PREX2: variants seen among roughly 807,000 people sequenced by gnomAD.
PREX2 encodes the protein phosphatidylinositol-3,4,5-trisphosphate dependent Rac exchange factor 2.
A neutral mutation model predicts 203.2 loss-of-function variants in PREX2; 107 were observed. That is an observed-to-expected ratio of 0.53 (90% CI 0.45 to 0.62). The LOEUF (loss-of-function observed/expected upper bound fraction) is 0.62, where lower values mean the gene tolerates loss of function less well. Ranked by LOEUF, PREX2 falls within the 20% of genes least tolerant of loss-of-function variation. The pLI is 0.00. For missense variants in PREX2, 1,777 were observed against 1,955.9 expected, an observed-to-expected ratio of 0.91 and a Z score of 1.72; for synonymous variants, 672 against 663.6, an observed-to-expected ratio of 1.01 and a Z score of -0.19.
At chr8:68,228,808 G>A (rs115057313) in intron 39 of PREX2, among the ~76,000 whole-genome samples, 5,710 of 147,330 alleles carry the variant, frequency 0.039, 143 homozygotes, top group Middle Eastern at 0.076. Flanking sequence ...TAAATAAGCC[G>A]GGCTGTCAGC....
chr8:67,973,023 T>C (rs1282198258), intron 1 of PREX2, among the ~76,000 whole-genome samples: 1 of 152,184 alleles, frequency 6.6e-6, no homozygotes, highest in African/African-American at 2.4e-5. Flanking sequence ...AGGCTCAGTG[T>C]CATCTTTGTC....
chr8:68,216,101 A>T (rs73683414), intron 37 of PREX2, among the ~76,000 whole-genome samples: 2,200 of 152,352 alleles, frequency 0.014, 50 homozygotes, highest in African/African-American at 0.051. Flanking sequence ...TCTCCTTAGA[A>T]TGCAGTTATA....
intron 1 of PREX2, among the ~76,000 whole-genome samples, chr8:67,953,326 C>T (rs949550410): frequency 3.3e-5 from 5 of 152,008 alleles, no homozygotes; most frequent in African/African-American, 1.2e-4. Context: ...TCACTGCCAT[C>T]TGCTTTGAAA....
In PREX2 at chr8:68,036,259, C is replaced by T. The variant is rs1014939539; in HGVS notation, c.706-1900C>T. ...GCACTTTCAATCAGTTGTAAGATAACGATGTCATAATAGTTAGCTCAATTT... is the reference window on the plus strand; with the variant it reads ...GCACTTTCAATCAGTTGTAAGATAATGATGTCATAATAGTTAGCTCAATTT... On this transcript the variant is annotated intron_variant, in intron 6 of 39. Coordinates refer to ENST00000288368, the MANE Select transcript of PREX2 (RefSeq NM_024870.4). 3.9e-5 allele frequency among the ~76,000 whole-genome samples: 6 copies of T among 152,176 alleles called. No homozygotes were observed. The East Asian group carries it at 7.7e-4, about 20-fold the overall frequency.
At chr8:68,184,701 G>C (rs547735771) in intron 35 of PREX2, among the ~76,000 whole-genome samples, 1 of 152,212 alleles carries the variant, frequency 6.6e-6, no homozygotes, top group African/African-American at 2.4e-5. Flanking sequence ...AGGCTCTTAG[G>C]CCTTAATCAT....
chr8:68,096,966 G>T, intron 21 of PREX2, 51 bp from the exon 22 acceptor site: 1 of 1,467,864 alleles, frequency 6.8e-7, no homozygotes, highest in South Asian at 1.2e-5. Context: ...TATTTGAGGA[G>T]ATTAACAAAT....
At chr8:68,006,684 A>G (rs1245961171) in intron 1 of PREX2, among the ~76,000 whole-genome samples, 3 of 152,200 alleles carry the variant, frequency 2.0e-5, no homozygotes, top group Admixed American at 6.5e-5. Context: ...TGCACGTTCA[A>G]GCTTTAAGCT....
At chr8:68,209,936 T>G (rs2129615104) in intron 37 of PREX2, among the ~76,000 whole-genome samples, 1 of 152,290 alleles carries the variant, frequency 6.6e-6, no homozygotes, top group Non-Finnish European at 1.5e-5. Context: ...CAGGAAATTC[T>G]TCTGCTAATT....
At chr8:67,984,317 T>G (rs1247084372) in intron 1 of PREX2, among the ~76,000 whole-genome samples, 13 of 151,904 alleles carry the variant, frequency 8.6e-5, no homozygotes, top group African/African-American at 2.9e-4. Flanking sequence ...AACATTGATT[T>G]CTTAGAAGCT....
intron 8 of PREX2, among the ~76,000 whole-genome samples, chr8:68,047,088 G>A (rs1434383508): frequency 2.0e-5 from 3 of 151,984 alleles, no homozygotes; most frequent in Non-Finnish European, 2.9e-5. Flanking sequence ...TTGTGACATA[G>A]AGAAGGACCA....
chr8:68,047,283 A>G (rs1459122780), intron 8 of PREX2, among the ~76,000 whole-genome samples: 5 of 151,690 alleles, frequency 3.3e-5, no homozygotes, highest in South Asian at 4.2e-4. Flanking sequence ...TACTTTACAC[A>G]TGAAGCTCTG....
chr8:68,162,195 T>A (rs1393151676), intron 35 of PREX2, among the ~76,000 whole-genome samples: 1 of 152,018 alleles, frequency 6.6e-6, no homozygotes, highest in Non-Finnish European at 1.5e-5. Flanking sequence ...TTTAACCTAG[T>A]CACTAATTTT....
intron 1 of PREX2, among the ~76,000 whole-genome samples, chr8:67,993,838 A>T (rs1435088234): frequency 1.3e-5 from 2 of 152,296 alleles, no homozygotes; most frequent in East Asian, 1.9e-4. Flanking sequence ...CGGCAATCTA[A>T]TTAGGAAAAA....
In PREX2 at chr8:68,234,247, G is replaced by A. The variant is rs1367785212; in HGVS notation, c.*2869G>A. 1.3e-5 allele frequency: 2 copies of A among 152,126 alleles called. No individual in the cohort carries two copies. Among genetic ancestry groups the A allele is most frequent in the African/African-American group, 4.8e-5 (2 of 41,432 alleles). 9.4% of individuals were successfully genotyped at this position (152,126 alleles called of 1,614,324 possible). ...GTGACATTGGGCATTAAATGGCCTT[G>A]AGGTTTTAGGATGTGTTTACCTTAA... On this transcript the variant is annotated 3_prime_UTR_variant, in exon 40 of 40. Transcript: ENST00000288368.
At chr8:68,046,539 T>C (rs1369007804) in intron 8 of PREX2, among the ~76,000 whole-genome samples, 2 of 152,068 alleles carry the variant, frequency 1.3e-5, no homozygotes, top group South Asian at 2.1e-4. Flanking sequence ...GGCAAAAGCA[T>C]TGTGGAAGGC....
chr8:68,168,974 A>C (rs1344084169), intron 35 of PREX2, among the ~76,000 whole-genome samples: 1 of 151,954 alleles, frequency 6.6e-6, no homozygotes, highest in Non-Finnish European at 1.5e-5. Context: ...TTAGATTATA[A>C]GTTTCAGAAA....
intron 23 of PREX2, among the ~76,000 whole-genome samples, chr8:68,103,258 A>G (rs540391800): frequency 6.6e-6 from 1 of 152,216 alleles, no homozygotes; most frequent in Admixed American, 6.5e-5. Context: ...CCTTCCCTCA[A>G]AAGGGTACAA....
chr8:68,105,365 C>A (rs1349216156), intron 23 of PREX2: 1 of 1,364,336 alleles, frequency 7.3e-7, no homozygotes, highest in African/African-American at 1.5e-5. Context: ...CTGTCTGATT[C>A]TTACCCTTTG....
At chr8:68,187,725 G>A (rs1027167449) in intron 35 of PREX2, among the ~76,000 whole-genome samples, 2 of 152,096 alleles carry the variant, frequency 1.3e-5, no homozygotes, top group Non-Finnish European at 2.9e-5. Flanking sequence ...TTGAGATGCC[G>A]CCTCTGTTCC....
Sources: allele counts gnomAD v4.1 joint callset (sites outside exome capture counted in the v4.1 genomes callset), GRCh38; gene constraint gnomAD v4.1.1; transcripts MANE v1.5; gene names NCBI Gene and HGNC (gene_info 2026-07-23, HGNC 2026-07-21).